The following PCDHGB4 variants were observed in gnomAD, a reference collection of about 807,000 sequenced individuals.
PCDHGB4 encodes the protein protocadherin gamma subfamily B, 4.
A neutral mutation model predicts 60.5 loss-of-function variants in PCDHGB4; 38 were observed. The observed-to-expected ratio is 0.63, with a 90% CI of 0.48 to 0.82. PCDHGB4 has a LOEUF of 0.82. PCDHGB4 is among the 40% of genes least tolerant of loss of function. The probability of loss-of-function intolerance (pLI) is 0.00; values close to 1 mark genes in which losing one functional copy is unlikely to be tolerated. For missense variants in PCDHGB4, 1,109 were observed against 1,209.6 expected, an observed-to-expected ratio of 0.92 and a Z score of 1.23; for synonymous variants, 456 against 509.7, an observed-to-expected ratio of 0.89 and a Z score of 1.42.
intron 1 of PCDHGB4, among the ~76,000 whole-genome samples, chr5:141,467,665 G>T (rs1205474808): frequency 4.6e-5 from 7 of 152,040 alleles, no homozygotes; most frequent in Non-Finnish European, 1.0e-4. Flanking sequence ...AGTGCCAGAA[G>T]ATTTTTATTT....
rs368105487 is a variant in PCDHGB4 at position 141,489,478 on chromosome 5, A to G, written c.2398-5329A>G. On this transcript the variant is annotated intron_variant, in intron 1 of 3. Transcript: ENST00000519479. This position sits in a 1 kb window ranked among gnomAD's most constrained non-coding sequence, Gnocchi z 4.5. Reference sequence around the variant, plus strand: ...TGGGCGCTATTTTTCCCTGAGCTTGATGAGTGGTGCCCTGGCAGTGAATCA... The same window carrying G: ...TGGGCGCTATTTTTCCCTGAGCTTGGTGAGTGGTGCCCTGGCAGTGAATCA... The G allele has an allele frequency of 1.1e-5, 18 of 1,613,956 alleles. No individual in the cohort carries two copies. The highest frequency in any genetic ancestry group is 1.5e-5 in the Non-Finnish European group (18 of 1,180,030).
At position 141,405,308 on chromosome 5, in the gene PCDHGB4, GA is replaced by G. The variant is rs776065617; in HGVS notation, c.2397+15028del. 15 of 1,614,096 alleles carry G rather than the reference GA, an allele frequency of 9.3e-6. No individual in the cohort carries two copies. The African/African-American group carries it at 1.9e-4, about 20-fold the overall frequency. On this transcript the variant is annotated intron_variant, in intron 1 of 3. Transcript: ENST00000519479. The stretch of plus-strand genomic sequence containing the variant: ...CACACTCATCAGCCAGCAGAGCTGT[GA>G]GAAAAATGAGCCTTTGTGCGTCTCT...
intron 1 of PCDHGB4, among the ~76,000 whole-genome samples, chr5:141,452,253 T>G (rs2098736880): frequency 6.6e-6 from 1 of 152,166 alleles, no homozygotes; most frequent in Admixed American, 6.5e-5. Context: ...TTGCCATAAC[T>G]CTCTCATTTT....
intron 1 of PCDHGB4, among the ~76,000 whole-genome samples, chr5:141,469,096 G>A (rs1191827174): frequency 6.6e-6 from 1 of 151,944 alleles, no homozygotes; most frequent in Non-Finnish European, 1.5e-5. Flanking sequence ...AGGCAACAAA[G>A]CAAGAACCTG....
intron 1 of PCDHGB4, chr5:141,398,938 G>A: frequency 6.2e-7 from 1 of 1,613,958 alleles, no homozygotes; most frequent in African/African-American, 1.3e-5. Context: ...TGACCAAGAC[G>A]AGGGCATCAA....
Position 141,489,316 on chromosome 5 carries a change from T to C in PCDHGB4, c.2398-5491T>C, listed in dbSNP as rs2099685399. On this transcript the variant is annotated intron_variant, in intron 1 of 3. Transcript: ENST00000519479. This position sits in a 1 kb window ranked among gnomAD's most constrained non-coding sequence, Gnocchi z 4.5. The stretch of plus-strand genomic sequence containing the variant: ...CATGTTGTCCTTGTGCTGCTGGGGC[T>C]GGGTGTCTGGGCAGCTTCGTTACTC... The C allele has an allele frequency of 1.3e-6, 2 of 1,597,946 alleles. No individual in the cohort carries two copies. Among genetic ancestry groups the C allele is most frequent in the Admixed American group, 1.7e-5 (1 of 58,864 alleles).
chr5:141,430,309 A>G (rs984998714), intron 1 of PCDHGB4, among the ~76,000 whole-genome samples: 2 of 152,116 alleles, frequency 1.3e-5, no homozygotes, highest in Non-Finnish European at 2.9e-5. Context: ...CACTAACATT[A>G]TAAGATTAAA....
chr5:141,506,832 C>T (rs1398190563), intron 3 of PCDHGB4, among the ~76,000 whole-genome samples: 1 of 152,130 alleles, frequency 6.6e-6, no homozygotes, highest in African/African-American at 2.4e-5. Flanking sequence ...GAACTGATAG[C>T]CCTGCCCTCC....
chr5:141,398,936 A>G (rs1377976758), intron 1 of PCDHGB4: 2 of 1,613,962 alleles, frequency 1.2e-6, no homozygotes, highest in South Asian at 2.2e-5. Context: ...ACTGACCAAG[A>G]CGAGGGCATC....
intron 1 of PCDHGB4, chr5:141,427,962 G>T: frequency 2.5e-6 from 4 of 1,590,100 alleles, no homozygotes; most frequent in Non-Finnish European, 3.4e-6. Flanking sequence ...TGTGCCGCGG[G>T]TGCTGTACCC....
intron 1 of PCDHGB4, chr5:141,393,947 G>T: frequency 6.2e-7 from 1 of 1,613,972 alleles, no homozygotes; most frequent in Non-Finnish European, 8.5e-7. Context: ...ACTCTGGAAA[G>T]AATGGTCAAG....
At chr5:141,446,390 G>A (rs2098500089) in intron 1 of PCDHGB4, among the ~76,000 whole-genome samples, 1 of 152,284 alleles carries the variant, frequency 6.6e-6, no homozygotes, top group African/African-American at 2.4e-5. Context: ...ATAGATTTAA[G>A]AGAAATCGAG....
intron 1 of PCDHGB4, among the ~76,000 whole-genome samples, chr5:141,434,824 A>ACTTG (rs1561875192): frequency 1.3e-5 from 2 of 151,888 alleles, no homozygotes; most frequent in African/African-American, 4.8e-5. Flanking sequence ...CCCTTAGTAC[A>ACTTG]CTTGGCATTT....
rs758065876 is a variant in PCDHGB4 at position 141,422,916 on chromosome 5, C to A, written c.2397+32635C>A. 5.6e-6 allele frequency: 9 copies of A among 1,614,260 alleles called. No homozygotes were observed. In the South Asian group the frequency reaches 9.9e-5, roughly 18 times the overall value. ...ACCAGAACGACAATGCGCCCGAGAT[C>A]CTGTACCCTGCCCTCCCCACAGACG... On this transcript the variant is annotated intron_variant, in intron 1 of 3. Coordinates refer to ENST00000519479, the MANE Select transcript of PCDHGB4 (RefSeq NM_003736.4).
In PCDHGB4 at chr5:141,485,042, C is replaced by T; in HGVS notation, c.2398-9765C>T. ...CAGCAAAAACGGCGCGTAACCCTTGCGGCGCCGGCCGAACCGCGCCAGAGC... is the reference window on the plus strand; with the variant it reads ...CAGCAAAAACGGCGCGTAACCCTTGTGGCGCCGGCCGAACCGCGCCAGAGC... On this transcript the variant is annotated intron_variant, in intron 1 of 3. Coordinates refer to ENST00000519479, the MANE Select transcript of PCDHGB4 (RefSeq NM_003736.4). This position sits in a 1 kb window ranked among gnomAD's most constrained non-coding sequence, Gnocchi z 5.7. 1 of 724,054 alleles carries T rather than the reference C, an allele frequency of 1.4e-6. No individual in the cohort carries two copies. Among genetic ancestry groups the T allele is most frequent in the South Asian group, 1.8e-5 (1 of 56,650 alleles). 44.9% of individuals were successfully genotyped at this position (724,054 alleles called of 1,614,324 possible). A position where few individuals can be genotyped will look rare whatever the true frequency, so the allele number is the denominator to read the frequency against.
At chr5:141,492,710 G>A (rs11953270) in intron 1 of PCDHGB4, among the ~76,000 whole-genome samples, 27,341 of 152,278 alleles carry the variant, frequency 0.18, 2,647 homozygotes, top group Admixed American at 0.28. Flanking sequence ...GAAGCCTCGA[G>A]CAGGCGGACA....
Position 141,477,584 on chromosome 5 carries a change from G to A in PCDHGB4, c.2398-17223G>A. 5 of 1,614,148 alleles carry A rather than the reference G, an allele frequency of 3.1e-6. No homozygotes were observed. Among genetic ancestry groups the A allele is most frequent in the Non-Finnish European group, 4.2e-6 (5 of 1,180,032 alleles). On this transcript the variant is annotated intron_variant, in intron 1 of 3. Coordinates refer to ENST00000519479, the MANE Select transcript of PCDHGB4 (RefSeq NM_003736.4). This position sits in a 1 kb window ranked among gnomAD's most constrained non-coding sequence, Gnocchi z 4.9. ...CTGGGACCCCGACGCCCCGCAGAAT[G>A]CTCGGCTTTCTTTCTTTCTCTTGGA...
At chr5:141,404,882 G>T (rs1380203392) in intron 1 of PCDHGB4, 3 of 1,613,772 alleles carry the variant, frequency 1.9e-6, no homozygotes, top group Non-Finnish European at 2.5e-6. Context: ...GAGCCTTGTG[G>T]TGGCTGTACA....
chr5:141,425,248 G>T (rs954872490), intron 1 of PCDHGB4, among the ~76,000 whole-genome samples: 2 of 152,178 alleles, frequency 1.3e-5, no homozygotes, highest in Admixed American at 1.3e-4. Context: ...AAAAGGATAT[G>T]AGGTATTTGG....
Sources: allele counts gnomAD v4.1 joint callset (sites outside exome capture counted in the v4.1 genomes callset), GRCh38; gene constraint gnomAD v4.1.1; non-coding constraint Gnocchi (gnomAD v3.1); transcripts MANE v1.5; gene names NCBI Gene and HGNC (gene_info 2026-07-23, HGNC 2026-07-21).